KANK1: variants seen among roughly 807,000 people sequenced by gnomAD.
KANK1 encodes KN motif and ankyrin repeat domain-containing protein 1.
Under a neutral mutation model 106.2 loss-of-function variants are expected in KANK1, and 109 were observed. The observed-to-expected ratio is 1.03, with a 90% CI of 0.88 to 1.20. The LOEUF (loss-of-function observed/expected upper bound fraction) is 1.20. KANK1 is among the 50% of genes most tolerant of loss of function. The pLI, the probability that KANK1 is intolerant of heterozygous loss-of-function variation, is 0.00. For missense variants in KANK1, 2,399 were observed against 1,710.7 expected (o/e 1.40, Z -7.10); for synonymous variants, 873 against 652.2 (o/e 1.34, Z -5.16).
chr9:574,834 G>C (rs2047115), intron 1 of KANK1, among the ~76,000 whole-genome samples: 1 of 139,758 alleles, frequency 7.2e-6, no homozygotes, highest in Non-Finnish European at 1.5e-5. Context: ...CAACTTAGGT[G>C]ACAGAGTGAG....
intron 1 of KANK1, among the ~76,000 whole-genome samples, chr9:613,335 T>G (rs1831019449): frequency 6.6e-6 from 1 of 150,600 alleles, no homozygotes; most frequent in African/African-American, 2.4e-5. Flanking sequence ...CAATCGTTGC[T>G]GGAGATAGAG....
At chr9:699,375 C>A (rs1199692968) in intron 2 of KANK1, among the ~76,000 whole-genome samples, 1 of 152,158 alleles carries the variant, frequency 6.6e-6, no homozygotes, top group Non-Finnish European at 1.5e-5. Flanking sequence ...AAGAATACAT[C>A]CATCTTTCAG....
rs1261477906 is a variant in KANK1, at chr9:738,620, T to G, written c.3553+116T>G. On this transcript the variant is annotated intron_variant, in intron 8 of 11. Coordinates refer to ENST00000382297, the MANE Select transcript of KANK1 (RefSeq NM_015158.5). ...TCTGACCATGCTAAAATCCTTTTTA[T>G]TGCTTTTCCACATGACATGGCAAGA... The G allele has an allele frequency of 3.7e-6, 3 of 803,938 alleles. No individual in the cohort carries two copies. The African/African-American group carries it at 5.1e-5, about 14-fold the overall frequency. 49.8% of individuals were successfully genotyped at this position (803,938 alleles called of 1,614,324 possible). A position where few individuals can be genotyped will look rare whatever the true frequency, so the allele number is the denominator to read the frequency against.
intron 3 of KANK1, among the ~76,000 whole-genome samples, chr9:728,061 C>G (rs1831212202): frequency 6.6e-6 from 1 of 152,160 alleles, no homozygotes. Context: ...GACAAACAGA[C>G]TCTTTATACC....
At chr9:564,022 C>G (rs1018741498) in intron 1 of KANK1, among the ~76,000 whole-genome samples, 1 of 151,458 alleles carries the variant, frequency 6.6e-6, no homozygotes. Context: ...GTTAACTTCT[C>G]GCGTCTGTCT....
At chr9:738,686 A>G (rs1834481334) in intron 8 of KANK1, among the ~76,000 whole-genome samples, 182 bp downstream of exon 8, 3 of 152,220 alleles carry the variant, frequency 2.0e-5, no homozygotes, top group African/African-American at 2.4e-5. Context: ...AGTTTAAACA[A>G]AACTGGGTGA....
chr9:741,007 C>T (rs765309411), intron 9 of KANK1, 73 bp downstream of exon 9: 373 of 1,540,086 alleles, frequency 2.4e-4, no homozygotes, highest in Non-Finnish European at 3.1e-4. Context: ...GCCATTCTGG[C>T]AGAGCAGGCA....
At chr9:729,555 G>A (rs1013859577) in intron 3 of KANK1, among the ~76,000 whole-genome samples, 2 of 152,230 alleles carry the variant, frequency 1.3e-5, no homozygotes, top group Non-Finnish European at 2.9e-5. Flanking sequence ...CAGTAAGGAC[G>A]ACAGGAGGAG....
chr9:614,955 C>A (rs928978934), intron 1 of KANK1, among the ~76,000 whole-genome samples: 1 of 151,888 alleles, frequency 6.6e-6, no homozygotes, highest in South Asian at 2.1e-4. Flanking sequence ...ACCCATCCCC[C>A]CCCTGCCCTT....
In KANK1 at chr9:677,000, A is replaced by G. The variant is rs1426988704; in HGVS notation, c.28A>G (p.Ser10Gly). MAHTTKVNGSASGKAGDILS... is the reference protein window; with the variant it reads MAHTTKVNGGASGKAGDILS... ...GGCTCACACCACAAAGGTTAACGGCAGTGCCTCAGGTAACCCTGTGCTCTG... is the reference window on the plus strand; with the variant it reads ...GGCTCACACCACAAAGGTTAACGGCGGTGCCTCAGGTAACCCTGTGCTCTG... Residue 10 changes from serine to glycine, a missense_variant, in exon 2 of 12, where the codon AGT becomes GGT. Transcript: ENST00000382297. 6.2e-7 allele frequency: 1 copy of G among 1,613,716 alleles called. No individual in the cohort carries two copies. The highest frequency in any genetic ancestry group is 8.5e-7 in the Non-Finnish European group (1 of 1,179,824).
At chr9:667,314 C>A (rs1844863844) in intron 1 of KANK1, among the ~76,000 whole-genome samples, 1 of 151,656 alleles carries the variant, frequency 6.6e-6, no homozygotes, top group African/African-American at 2.4e-5. Context: ...TGGGTCCTCT[C>A]TTTTTAGTTA....
rs568776283 is a variant in KANK1 at position 643,864 on chromosome 9, G to A, written c.-83-33026G>A. 8.7e-5 allele frequency among the ~76,000 whole-genome samples: 13 copies of A among 149,972 alleles called. 2 individuals carry two copies. The highest frequency in any genetic ancestry group is 2.8e-4 in the African/African-American group (11 of 39,722). The stretch of plus-strand genomic sequence containing the variant: ...ATTACAGGTGCCTGCTACTGTGCCC[G>A]GCTAATTTTTGTATTTTTGGTAGAG... On this transcript the variant is annotated intron_variant, in intron 1 of 11. Transcript: ENST00000382297.
At chr9:588,031 A>G (rs1026851315) in intron 1 of KANK1, among the ~76,000 whole-genome samples, 6 of 151,378 alleles carry the variant, frequency 4.0e-5, no homozygotes, top group African/African-American at 1.5e-4. Context: ...GCACCATTGC[A>G]CTCTAGCCTG....
intron 1 of KANK1, among the ~76,000 whole-genome samples, chr9:618,046 C>G (rs1832265078): frequency 6.6e-6 from 1 of 152,140 alleles, no homozygotes; most frequent in African/African-American, 2.4e-5. Context: ...ACCCTGCACA[C>G]AAGGCAGTAT....
chr9:744,813 C>T (rs1222572592), intron 11 of KANK1: 3 of 1,436,652 alleles, frequency 2.1e-6, no homozygotes, highest in African/African-American at 1.4e-5. Flanking sequence ...AAGACATATG[C>T]TCACAGCTTC....
chr9:721,651 C>G (rs1829376574), intron 3 of KANK1, among the ~76,000 whole-genome samples: 1 of 152,198 alleles, frequency 6.6e-6, no homozygotes, highest in African/African-American at 2.4e-5. Flanking sequence ...CTGCTGATAA[C>G]TCAATAATTG....
At chr9:581,826 G>C (rs1401822472) in intron 1 of KANK1, among the ~76,000 whole-genome samples, 3 of 152,074 alleles carry the variant, frequency 2.0e-5, no homozygotes, top group Admixed American at 6.6e-5. Context: ...GGCTAGGGAG[G>C]GTGCTTTGTC....
chr9:736,875 C>T lies in KANK1; in HGVS notation c.3334-1410C>T, dbSNP rs144099815. Among the ~76,000 whole-genome samples, 7 of 152,262 alleles carry T rather than the reference C, an allele frequency of 4.6e-5. No homozygotes were observed. The East Asian group carries it at 7.7e-4, about 17-fold the overall frequency. ...TAAACTTAAAACTGGTGCCTTACAACCCCAGATTTTATAGCCATAGTACAC... is the reference window on the plus strand; with the variant it reads ...TAAACTTAAAACTGGTGCCTTACAATCCCAGATTTTATAGCCATAGTACAC... On this transcript the variant is annotated intron_variant, in intron 7 of 11. Coordinates refer to ENST00000382297, the MANE Select transcript of KANK1 (RefSeq NM_015158.5).
chr9:602,195 A>G (rs1827919677), intron 1 of KANK1, among the ~76,000 whole-genome samples: 1 of 151,964 alleles, frequency 6.6e-6, no homozygotes, highest in Non-Finnish European at 1.5e-5. Context: ...CATTTTTGAC[A>G]TTCCTTCAAT....
Sources: gnomAD v4.1 joint callset for allele counts (sites outside exome capture counted in the v4.1 genomes callset) on GRCh38, gnomAD v4.1.1 for gene constraint, MANE v1.5 for transcripts, NCBI Gene and HGNC (gene_info 2026-07-23, HGNC 2026-07-21) for gene names.